Variants in FGFR2 observed in about 807,000 individuals in gnomAD.
FGFR2 encodes fibroblast growth factor receptor 2, also known as BEK fibroblast growth factor receptor.
FGFR2 carries 19 observed loss-of-function variants against 95.9 expected under a neutral mutation model. The observed-to-expected ratio is 0.20, with a 90% CI of 0.14 to 0.29. FGFR2 has a LOEUF of 0.29. Ranked by LOEUF, FGFR2 falls within the 10% of genes least tolerant of loss-of-function variation. The pLI, the probability that FGFR2 is intolerant of heterozygous loss-of-function variation, is 1.00. For synonymous variants in FGFR2, 392 were observed against 393.3 expected (o/e 1.00, Z 0.04); for missense variants, 707 against 1,056.9 (o/e 0.67, Z 4.59).
At chr10:121,552,752 T>C (rs1170849147) in intron 4 of FGFR2, among the ~76,000 whole-genome samples, 1 of 152,262 alleles carries the variant, frequency 6.6e-6, no homozygotes, top group Non-Finnish European at 1.5e-5. Flanking sequence ...CATATATGTT[T>C]CTGTCTTAGC....
chr10:121,507,242 A>T (rs1057385854), intron 9 of FGFR2, among the ~76,000 whole-genome samples: 2 of 152,308 alleles, frequency 1.3e-5, no homozygotes, highest in African/African-American at 4.8e-5. Context: ...TCACTGTGTG[A>T]GCTTTGGGAA....
chr10:121,499,055 G>A (rs1330187663), intron 11 of FGFR2, among the ~76,000 whole-genome samples: 6 of 152,174 alleles, frequency 3.9e-5, no homozygotes, highest in Admixed American at 1.3e-4. Flanking sequence ...AGAGCGTTCC[G>A]AGGTGGGTTC....
At chr10:121,480,242 C>T in intron 17 of FGFR2, 1 of 652,502 alleles carries the variant, frequency 1.5e-6, no homozygotes. Flanking sequence ...TCCACGAAGA[C>T]CTCCCTGAGA....
At chr10:121,490,890 C>T (rs545050422) in intron 13 of FGFR2, among the ~76,000 whole-genome samples, 10 of 152,202 alleles carry the variant, frequency 6.6e-5, no homozygotes, top group South Asian at 2.1e-4. Flanking sequence ...AAGAAAGCCA[C>T]GCAAGCTTGC....
chr10:121,500,763 A>G lies in FGFR2; in HGVS notation c.1561+63T>C, dbSNP rs1009296921. On this transcript the variant is annotated intron_variant, in intron 11 of 17. Coordinates refer to ENST00000358487, the MANE Select transcript of FGFR2 (RefSeq NM_000141.5). ...CATGATAGAGTTCACATGCCACAAA[A>G]GGAACTTTCTTGATAAGACTCTCCA... 4.4e-6 allele frequency: 7 copies of G among 1,604,886 alleles called. No individual in the cohort carries two copies. The African/African-American group carries it at 9.3e-5, about 21-fold the overall frequency.
intron 4 of FGFR2, among the ~76,000 whole-genome samples, chr10:121,557,374 C>T (rs1489647720): frequency 6.6e-6 from 1 of 152,146 alleles, no homozygotes; most frequent in Non-Finnish European, 1.5e-5. Context: ...AGTGGTACAA[C>T]CACAGCTCAC....
chr10:121,495,983 G>C (rs188821287), intron 13 of FGFR2, among the ~76,000 whole-genome samples: 2 of 152,274 alleles, frequency 1.3e-5, no homozygotes, highest in African/African-American at 4.8e-5. Flanking sequence ...CCACCTCAGG[G>C]GACCTGGCCA....
At chr10:121,491,324 C>T (rs758330888) in intron 13 of FGFR2, among the ~76,000 whole-genome samples, 13 of 152,146 alleles carry the variant, frequency 8.5e-5, no homozygotes, top group Non-Finnish European at 1.5e-4. Context: ...GCCAAATCCC[C>T]GTCATCCACA....
intron 12 of FGFR2, among the ~76,000 whole-genome samples, chr10:121,497,520 T>C (rs1847031708): frequency 6.6e-6 from 1 of 152,260 alleles, no homozygotes; most frequent in Admixed American, 6.5e-5. Flanking sequence ...GCATATACTG[T>C]ATCGTATAAA....
intron 2 of FGFR2, among the ~76,000 whole-genome samples, chr10:121,584,114 C>G (rs978401235): frequency 2.0e-5 from 3 of 151,910 alleles, no homozygotes; most frequent in Non-Finnish European, 4.4e-5. Context: ...GCCTGTCCTA[C>G]CAAGTAACCT....
chr10:121,582,182 G>A (rs553563004), intron 2 of FGFR2, among the ~76,000 whole-genome samples: 49 of 151,930 alleles, frequency 3.2e-4, no homozygotes, highest in South Asian at 1.2e-3. Flanking sequence ...CGCCCACCTC[G>A]GCCCCTCAAA....
intron 2 of FGFR2, among the ~76,000 whole-genome samples, chr10:121,589,979 C>T (rs2135445618): frequency 6.6e-6 from 1 of 152,294 alleles, no homozygotes; most frequent in South Asian, 2.1e-4. Context: ...AATATTATGG[C>T]ATTTACAATA....
chr10:121,597,424 G>A (rs7919434), intron 1 of FGFR2, among the ~76,000 whole-genome samples: 11,786 of 152,290 alleles, frequency 0.077, 743 homozygotes, highest in East Asian at 0.23. Context: ...CCCAGGCACC[G>A]GAGCCGTCGC....
At position 121,554,023 on chromosome 10, in the gene FGFR2, G is replaced by A. The variant is rs1055319737; in HGVS notation, c.455-2564C>T. Among the ~76,000 whole-genome samples the A allele has an allele frequency of 4.6e-5, 7 of 152,226 alleles. No individual in the cohort carries two copies. In the East Asian group the frequency reaches 1.3e-3, roughly 29 times the overall value. On this transcript the variant is annotated intron_variant, in intron 4 of 17. Coordinates refer to ENST00000358487, the MANE Select transcript of FGFR2 (RefSeq NM_000141.5). ...AGGACTAAGGTGAAATAATGTTGCT[G>A]GAATTTCTGGCAGGTAGCCACTTCC...
intron 2 of FGFR2, among the ~76,000 whole-genome samples, chr10:121,570,344 G>A (rs1049840180): frequency 6.6e-6 from 1 of 152,190 alleles, no homozygotes; most frequent in Admixed American, 6.5e-5. Flanking sequence ...CTGGCCCCAG[G>A]CTGCGCGGAG....
chr10:121,491,305 C>G (rs986795016), intron 13 of FGFR2, among the ~76,000 whole-genome samples: 7 of 152,140 alleles, frequency 4.6e-5, no homozygotes, highest in Non-Finnish European at 8.8e-5. Flanking sequence ...AGAAAGTAAT[C>G]AAAGGCAAGC....
chr10:121,536,501 C>T (rs1181500312), intron 6 of FGFR2, among the ~76,000 whole-genome samples: 3 of 152,198 alleles, frequency 2.0e-5, no homozygotes, highest in Admixed American at 2.0e-4. Context: ...GCTCTCTCTA[C>T]ATTACACCAC....
chr10:121,507,929 T>TA (rs1848538023), intron 9 of FGFR2, among the ~76,000 whole-genome samples: 1 of 151,980 alleles, frequency 6.6e-6, no homozygotes, highest in African/African-American at 2.4e-5. Flanking sequence ...AGCTAATTAA[T>TA]AAAAAATAAC....
At chr10:121,516,775 C>T (rs530043973) in intron 8 of FGFR2, among the ~76,000 whole-genome samples, 1 of 152,256 alleles carries the variant, frequency 6.6e-6, no homozygotes, top group East Asian at 1.9e-4. Context: ...GAAAGCAAAC[C>T]GAAAGTCCAT....
Sources: gnomAD v4.1 joint callset for allele counts (sites outside exome capture counted in the v4.1 genomes callset) on GRCh38, gnomAD v4.1.1 for gene constraint, MANE v1.5 for transcripts, NCBI Gene and HGNC (gene_info 2026-07-23, HGNC 2026-07-21) for gene names.